Variants in MYO10 observed in about 807,000 individuals in gnomAD.
The protein encoded by MYO10 is myosin X, also known as unconventional myosin-X.
Under a neutral mutation model 257.3 loss-of-function variants are expected in MYO10, and 133 were observed. The ratio of observed to expected loss-of-function variants is 0.52; its 90% CI spans 0.45 to 0.60. The LOEUF (loss-of-function observed/expected upper bound fraction) is 0.60. Among genes scored for constraint, MYO10 ranks in the 20% least tolerant of loss-of-function variants. The pLI, the probability that MYO10 is intolerant of heterozygous loss-of-function variation, is 0.00. For synonymous variants in MYO10, 1,104 were observed against 1,028.6 expected, an observed-to-expected ratio of 1.07 and a Z score of -1.40; for missense variants, 2,399 against 2,635.7, an observed-to-expected ratio of 0.91 and a Z score of 1.97.
At position 16,837,201 on chromosome 5, in the gene MYO10, T is replaced by G. The variant is rs868430213; in HGVS notation, c.121-19034A>C. ...GGCAGAGGCCTGTAATCCCAGCTAC[T>G]TGGGAGGCTGAAGCAGGAGAATTGC... On this transcript the variant is annotated intron_variant, in intron 2 of 40. Transcript: ENST00000513610. 3.9e-4 allele frequency among the ~76,000 whole-genome samples: 60 copies of G among 152,116 alleles called. No individual in the cohort carries two copies. In the South Asian group the frequency reaches 0.012, roughly 31 times the overall value.
chr5:16,800,125 G>A lies in MYO10; in HGVS notation c.280-5292C>T, dbSNP rs1350133820. On this transcript the variant is annotated intron_variant, in intron 3 of 40. Coordinates refer to ENST00000513610, the MANE Select transcript of MYO10 (RefSeq NM_012334.3). ...CATGGCCAATGACCAGCACAGCTCT[G>A]GTGGTTGCACACTTTTCCTACAATA... Among the ~76,000 whole-genome samples the A allele has an allele frequency of 2.0e-5, 3 of 152,152 alleles. No individual in the cohort carries two copies. The South Asian group carries it at 6.2e-4, about 32-fold the overall frequency.
At position 16,681,972 on chromosome 5, in the gene MYO10, T is replaced by C; in HGVS notation, c.4088A>G (p.His1363Arg). Reference sequence around the variant, plus strand: ...CTCCTCCGGCGTGTCGGCGTTGCAGTGCAGCACCCGGTTGGCCGTGATGAT... The same window carrying C: ...CTCCTCCGGCGTGTCGGCGTTGCAGCGCAGCACCCGGTTGGCCGTGATGAT... ...FVIITANRVL[H>R]CNADTPEEMH... The change falls in exon 31 of 41, where the codon CAC becomes CGC. Residue 1363 changes from histidine (H) to arginine (R), a missense_variant. His to Arg is a conservative substitution (Grantham distance 29). Transcript: ENST00000513610. The C allele has an allele frequency of 1.9e-6, 3 of 1,613,872 alleles. No individual in the cohort carries two copies. Among genetic ancestry groups the C allele is most frequent in the Non-Finnish European group, 2.5e-6 (3 of 1,179,874 alleles).
intron 28 of MYO10, among the ~76,000 whole-genome samples, chr5:16,686,724 A>G (rs1737271756): frequency 6.6e-6 from 1 of 150,382 alleles, no homozygotes; most frequent in Admixed American, 6.7e-5. Flanking sequence ...ATGGGGTTTC[A>G]CTATGTTGGC....
At chr5:16,923,158 C>T (rs1746034828) in intron 1 of MYO10, among the ~76,000 whole-genome samples, 1 of 152,152 alleles carries the variant, frequency 6.6e-6, no homozygotes, top group Non-Finnish European at 1.5e-5. Context: ...CTAAATCCCC[C>T]TGGGTCACAT....
rs772693316 is a variant in MYO10, at chr5:16,670,763, C to G, written c.5646G>C (p.Thr1882=). ...TPCERLEKRR[T]SFLEGTLRRS... is the part of the protein sequence containing the mutation. ...GCCTCAGGGTCCCCTCTAGGAAGCT[C>G]GTCCGCCTCTTCTCCAGCCGTTCAC... Residue 1882 remains threonine, a synonymous_variant, in exon 39 of 41, where the codon ACG becomes ACC. Coordinates refer to ENST00000513610, the MANE Select transcript of MYO10 (RefSeq NM_012334.3). 6.2e-7 allele frequency: 1 copy of G among 1,614,024 alleles called. No individual in the cohort carries two copies. Among genetic ancestry groups the G allele is most frequent in the Non-Finnish European group, 8.5e-7 (1 of 1,179,904 alleles).
chr5:16,664,660 G>A lies in MYO10; in HGVS notation c.*2032C>T, dbSNP rs26742. ...ACCAAACTGCCTACCTGTGTGTTCT[G>A]GTCCACAGGGAGGTGCAGGCAGGTT... On this transcript the variant is annotated 3_prime_UTR_variant, in exon 41 of 41. Coordinates refer to ENST00000513610, the MANE Select transcript of MYO10 (RefSeq NM_012334.3). The A allele has an allele frequency of 0.58, 88,317 of 152,076 alleles. 26,027 individuals carry two copies. Among genetic ancestry groups the A allele is most frequent in the South Asian group, 0.76 (3,653 of 4,828 alleles). 9.4% of individuals were successfully genotyped at this position (152,076 alleles called of 1,614,324 possible).
At chr5:16,921,026 G>A (rs1745964794) in intron 1 of MYO10, among the ~76,000 whole-genome samples, 1 of 152,106 alleles carries the variant, frequency 6.6e-6, no homozygotes, top group South Asian at 2.1e-4. Flanking sequence ...GCTGAGGCAG[G>A]AGAATTGCTT....
intron 1 of MYO10, among the ~76,000 whole-genome samples, chr5:16,924,828 CACTTTTT>C: frequency 9.3e-6 from 1 of 107,578 alleles, no homozygotes; most frequent in African/African-American, 3.8e-5. Flanking sequence ...ATCACTTTAT[CACTTTTT>C]TTTTTTTTTT....
chr5:16,812,926 A>AT (rs756853883), intron 3 of MYO10, among the ~76,000 whole-genome samples: 6,653 of 127,902 alleles, frequency 0.052, 174 homozygotes, highest in African/African-American at 0.08. Flanking sequence ...GGGTGCTTTT[A>AT]TTTTTTTTTT....
intron 19 of MYO10, among the ~76,000 whole-genome samples, chr5:16,714,678 C>T (rs938010092): frequency 1.3e-5 from 2 of 152,128 alleles, no homozygotes; most frequent in Non-Finnish European, 2.9e-5. Context: ...ACAAAATTAG[C>T]CGGGCGTGGT....
intron 9 of MYO10, among the ~76,000 whole-genome samples, chr5:16,771,553 A>G (rs1048205124): frequency 2.0e-5 from 1 of 50,644 alleles, no homozygotes; most frequent in Non-Finnish European, 4.6e-5. Context: ...ATGATTTATT[A>G]TTATTATTAT....
intron 2 of MYO10, among the ~76,000 whole-genome samples, chr5:16,855,896 A>AC (rs112837108): frequency 0.34 from 50,943 of 152,066 alleles, 9,068 homozygotes; most frequent in African/African-American, 0.46. Context: ...AGGGTTAGCT[A>AC]CCTGTTACCC....
At chr5:16,715,147 A>C (rs1286731610) in intron 19 of MYO10, among the ~76,000 whole-genome samples, 4 of 564 alleles carry the variant, frequency 7.1e-3, no homozygotes, top group East Asian at 0.5. Flanking sequence ...CAATTGGACA[A>C]AAAAAAAAAA....
At chr5:16,856,479 G>A (rs1008879984) in intron 2 of MYO10, among the ~76,000 whole-genome samples, 3 of 152,068 alleles carry the variant, frequency 2.0e-5, no homozygotes, top group Non-Finnish European at 2.9e-5. Flanking sequence ...GAACCTGGGA[G>A]GCGGAGGTTG....
rs1740592638 is a variant in MYO10, at chr5:16,758,211, GTAGA to G, written c.1751_1754del (p.Ile584ThrfsTer16). 6.2e-7 allele frequency: 1 copy of G among 1,610,944 alleles called. No homozygotes were observed. The highest frequency in any genetic ancestry group is 8.5e-7 in the Non-Finnish European group (1 of 1,177,186). Reference sequence around the variant, plus strand: ...GGCTTGAAACATGTTCAAAAAGATCGTAGATAAAGTCAAATCTGTGTGAGGCAAG... The same window carrying G: ...GGCTTGAAACATGTTCAAAAAGATCGTAAAGTCAAATCTGTGTGAGGCAAG... On this transcript the variant is annotated frameshift_variant, in exon 18 of 41. Coordinates refer to ENST00000513610, the MANE Select transcript of MYO10 (RefSeq NM_012334.3). LOFTEE classifies it high-confidence loss of function.
At chr5:16,675,184 G>C (rs372349739) in intron 34 of MYO10, 34 bp from the exon 35 acceptor site, 22 of 1,606,490 alleles carry the variant, frequency 1.4e-5, no homozygotes, top group Non-Finnish European at 1.8e-5. Context: ...GAACTCATCT[G>C]AGGGGTTCAG....
intron 1 of MYO10, among the ~76,000 whole-genome samples, chr5:16,935,467 T>TCGCCCCGCCCG (rs1746409595): frequency 1.3e-5 from 2 of 151,898 alleles, no homozygotes; most frequent in South Asian, 4.2e-4. Context: ...AGCGGGCGGA[T>TCGCCCCGCCCG]CGCCCCGCCC....
intron 33 of MYO10, 145 bp from the exon 34 acceptor site, chr5:16,676,299 C>T (rs1736721530): frequency 1.1e-6 from 1 of 921,872 alleles, no homozygotes; most frequent in Non-Finnish European, 1.6e-6. Context: ...ACGAAGATAC[C>T]CATAATCTGT....
intron 27 of MYO10, among the ~76,000 whole-genome samples, chr5:16,691,663 C>T (rs1438122779): frequency 6.7e-6 from 1 of 149,932 alleles, no homozygotes; most frequent in Non-Finnish European, 1.5e-5. Context: ...GGTGCCACTG[C>T]ACTCCAGCCT....
Sources: gnomAD v4.1 joint callset for allele counts (sites outside exome capture counted in the v4.1 genomes callset) on GRCh38, gnomAD v4.1.1 for gene constraint, MANE v1.5 for transcripts, NCBI Gene and HGNC (gene_info 2026-07-23, HGNC 2026-07-21) for gene names.